LIFR: variants seen among roughly 807,000 people sequenced by gnomAD.
The protein encoded by LIFR is leukemia inhibitory factor receptor.
Under a neutral mutation model 122.2 loss-of-function variants are expected in LIFR, and 84 were observed. The ratio of observed to expected loss-of-function variants is 0.69; its 90% CI spans 0.58 to 0.82. The LOEUF (loss-of-function observed/expected upper bound fraction) is 0.82. LIFR is among the 40% of genes least tolerant of loss of function. LIFR has a pLI of 0.00. For synonymous variants in LIFR, 422 were observed against 434.7 expected (o/e 0.97, Z 0.36); for missense variants, 1,294 against 1,311.6 (o/e 0.99, Z 0.21).
intron 1 of LIFR, among the ~76,000 whole-genome samples, chr5:38,579,819 A>C (rs2112737086): frequency 6.6e-6 from 1 of 152,314 alleles, no homozygotes; most frequent in East Asian, 1.9e-4. Flanking sequence ...AAAATGTGAT[A>C]TTCTACTAGG....
chr5:38,527,701 C>A (rs1443105220), intron 3 of LIFR, among the ~76,000 whole-genome samples: 2 of 152,168 alleles, frequency 1.3e-5, no homozygotes, highest in Admixed American at 1.3e-4. Context: ...ACTGGCAACT[C>A]CCCTGCTCCT....
At chr5:38,524,234 G>A (rs1228804937) in intron 4 of LIFR, among the ~76,000 whole-genome samples, 2 of 152,176 alleles carry the variant, frequency 1.3e-5, no homozygotes, top group Non-Finnish European at 2.9e-5. Flanking sequence ...GAAATGCTAT[G>A]GGCATTACTG....
At chr5:38,573,858 C>T (rs1580213586) in intron 1 of LIFR, among the ~76,000 whole-genome samples, 1 of 152,124 alleles carries the variant, frequency 6.6e-6, no homozygotes, top group Non-Finnish European at 1.5e-5. Flanking sequence ...GTGGCTCACA[C>T]CTGTAATCTC....
At position 38,480,341 on chromosome 5, in the gene LIFR, C is replaced by T. The variant is rs182901603; in HGVS notation, c.*1254G>A. 72 of 227,882 alleles carry T rather than the reference C, an allele frequency of 3.2e-4. 1 individual carries two copies. In the Admixed American group the frequency reaches 3.5e-3, roughly 11 times the overall value. The allele number at this position is 227,882 out of a possible 1,614,324, so 14.1% of individuals were successfully genotyped here. Reference sequence around the variant, plus strand: ...ACAAGGGTGGGCAGAGGATGCTGTGCTGAAGGCAATCAATTCTGCACAGCT... The same window carrying T: ...ACAAGGGTGGGCAGAGGATGCTGTGTTGAAGGCAATCAATTCTGCACAGCT... On this transcript the variant is annotated 3_prime_UTR_variant, in exon 20 of 20. Coordinates refer to ENST00000453190, the MANE Select transcript of LIFR (RefSeq NM_001127671.2).
rs116696257 is a variant in LIFR at position 38,523,905 on chromosome 5, G to A, written c.398-323C>T. Among the ~76,000 whole-genome samples the A allele has an allele frequency of 2.1e-3, 323 of 152,196 alleles. 1 individual carries two copies. The highest frequency in any genetic ancestry group is 6.8e-3 in the Middle Eastern group (2 of 294). Reference sequence around the variant, plus strand: ...ACATATATATTATTTATTTGTAGAGGCAGCTCCCAATGCTTCATCAGCCAA... The same window carrying A: ...ACATATATATTATTTATTTGTAGAGACAGCTCCCAATGCTTCATCAGCCAA... On this transcript the variant is annotated intron_variant, in intron 4 of 19. Coordinates refer to ENST00000453190, the MANE Select transcript of LIFR (RefSeq NM_001127671.2).
chr5:38,567,429 T>C (rs972272088), intron 1 of LIFR, among the ~76,000 whole-genome samples: 1 of 152,094 alleles, frequency 6.6e-6, no homozygotes, highest in Admixed American at 6.6e-5. Flanking sequence ...ATCCATTATT[T>C]GTTTATTAAT....
chr5:38,502,556 G>A (rs1345097279), intron 11 of LIFR, 81 bp downstream of exon 11: 2 of 1,236,916 alleles, frequency 1.6e-6, no homozygotes, highest in East Asian at 2.4e-5. Context: ...ACTGCACCCG[G>A]CCAACATCTT....
intron 7 of LIFR, 86 bp downstream of exon 7, chr5:38,510,378 C>A (rs964571661): frequency 8.3e-7 from 1 of 1,205,098 alleles, no homozygotes. Context: ...TCACTCCTCC[C>A]ACCCCCCCAC....
intron 18 of LIFR, among the ~76,000 whole-genome samples, chr5:38,483,196 A>G (rs1401609039): frequency 6.6e-6 from 1 of 152,216 alleles, no homozygotes; most frequent in Non-Finnish European, 1.5e-5. Context: ...TGTGCTAAGA[A>G]AAAGGCTATT....
intron 5 of LIFR, among the ~76,000 whole-genome samples, chr5:38,521,175 T>C (rs1017620844): frequency 6.6e-6 from 1 of 152,218 alleles, no homozygotes. Context: ...CTAGGTACTT[T>C]ATTTTTCTGT....
chr5:38,608,007 T>C (rs537523448), intron 1 of LIFR: 1 of 152,324 alleles, frequency 6.6e-6, no homozygotes, highest in East Asian at 1.9e-4. Flanking sequence ...TCAGAAATGA[T>C]CTAGGCACTT....
At chr5:38,510,369 C>T in intron 7 of LIFR, 95 bp downstream of exon 7, 1 of 1,100,898 alleles carries the variant, frequency 9.1e-7, no homozygotes, top group East Asian at 2.5e-5. Context: ...GAAACAGAAT[C>T]ACTCCTCCCA....
intron 1 of LIFR, among the ~76,000 whole-genome samples, chr5:38,554,764 T>C (rs953865410): frequency 1.3e-5 from 2 of 152,226 alleles, no homozygotes; most frequent in Admixed American, 6.5e-5. Flanking sequence ...GAGAGAGGTA[T>C]ACTCCGTATC....
intron 1 of LIFR, among the ~76,000 whole-genome samples, chr5:38,555,834 C>G (rs1385450897): frequency 1.3e-5 from 2 of 152,184 alleles, no homozygotes; most frequent in Admixed American, 6.5e-5. Flanking sequence ...CACAACATAA[C>G]AGAAATGGCA....
upstream of LIFR, among the ~76,000 whole-genome samples, chr5:38,598,260 C>CTTTTTTTTTTTT (rs1561235602): frequency 3.6e-5 from 1 of 27,900 alleles, no homozygotes; most frequent in African/African-American, 1.7e-4. Flanking sequence ...TTTTTTTTTT[C>CTTTTTTTTTTTT]TTTTTAGAGG....
chr5:38,512,840 T>C (rs1293019973), intron 5 of LIFR, among the ~76,000 whole-genome samples: 1 of 152,122 alleles, frequency 6.6e-6, no homozygotes, highest in African/African-American at 2.4e-5. Flanking sequence ...TAGAAGTAAT[T>C]AATGGGGTTG....
At chr5:38,528,304 G>T (rs1307495701) in intron 3 of LIFR, among the ~76,000 whole-genome samples, 1 of 152,126 alleles carries the variant, frequency 6.6e-6, no homozygotes, top group East Asian at 1.9e-4. Flanking sequence ...ACCTCCCAGG[G>T]GAGCAGGGGG....
rs570224887 is a variant in LIFR at position 38,484,637 on chromosome 5, T to A, written c.2591+138A>T. ...CATGTTCTTAATATTAAATCCAACA[T>A]TAATTCTAATTAAAACATTTTTTAA... On this transcript the variant is annotated intron_variant, in intron 18 of 19. Transcript: ENST00000453190. 28 of 660,902 alleles carry A rather than the reference T, an allele frequency of 4.2e-5. No individual in the cohort carries two copies. In the African/African-American group the frequency reaches 4.7e-4, roughly 11 times the overall value. 40.9% of individuals were successfully genotyped at this position (660,902 alleles called of 1,614,324 possible). A position where few individuals can be genotyped will look rare whatever the true frequency, so the allele number is the denominator to read the frequency against.
chr5:38,541,588 T>C (rs1330694851), intron 1 of LIFR, among the ~76,000 whole-genome samples: 2 of 152,234 alleles, frequency 1.3e-5, no homozygotes, highest in African/African-American at 4.8e-5. Context: ...TGCTAATTCA[T>C]AGGATGATGT....
Sources: allele counts gnomAD v4.1 joint callset (sites outside exome capture counted in the v4.1 genomes callset), GRCh38; gene constraint gnomAD v4.1.1; transcripts MANE v1.5; gene names NCBI Gene and HGNC (gene_info 2026-07-23, HGNC 2026-07-21).